Variants in ESR1 observed in about 807,000 individuals in gnomAD.
ESR1 encodes the protein estrogen receptor.
In ESR1, 12 loss-of-function variants were observed where a neutral mutation model predicts 52.7. The ratio of observed to expected loss-of-function variants is 0.23; its 90% CI spans 0.15 to 0.37. The LOEUF is 0.37. ESR1 is among the 10% of genes least tolerant of loss of function. The probability of loss-of-function intolerance (pLI) is 1.00; values close to 1 mark genes in which losing one functional copy is unlikely to be tolerated. For synonymous variants in ESR1, 305 were observed against 316.8 expected (o/e 0.96, Z 0.39); for missense variants, 584 against 779.7 (o/e 0.75, Z 2.99).
chr6:152,034,148 G>A (rs570029433), intron 5 of ESR1, among the ~76,000 whole-genome samples: 1 of 143,548 alleles, frequency 7.0e-6, no homozygotes, highest in Non-Finnish European at 1.5e-5. Context: ...TTGTGTGGTT[G>A]GGGAGGGGGG....
chr6:151,698,836 AG>A (rs375377378), intron 1 of ESR1, among the ~76,000 whole-genome samples: 252 of 152,278 alleles, frequency 1.7e-3, no homozygotes, highest in African/African-American at 5.7e-3. Context: ...GTACCAGGAG[AG>A]GGTGACATGA....
At chr6:152,077,553 C>G (rs2048843502) in intron 6 of ESR1, among the ~76,000 whole-genome samples, 2 of 152,314 alleles carry the variant, frequency 1.3e-5, no homozygotes, top group Admixed American at 1.3e-4. Flanking sequence ...GGAAAAGCCA[C>G]AGACACTCAA....
intron 1 of ESR1, among the ~76,000 whole-genome samples, chr6:151,684,136 G>A (rs911198960): frequency 2.6e-5 from 4 of 152,152 alleles, no homozygotes; most frequent in Non-Finnish European, 5.9e-5. Context: ...AAGGGTACAA[G>A]TGGCATGTGG....
Position 152,018,229 on chromosome 6 carries a change from A to G in ESR1, c.1235+6435A>G, listed in dbSNP as rs548295403. On this transcript the variant is annotated intron_variant, in intron 5 of 7. Transcript: ENST00000206249. Reference sequence around the variant, plus strand: ...TTCCAATGATAAACTCATTTTAAATAGAAAAAAAAAAGTCATTCTCTACAA... The same window carrying G: ...TTCCAATGATAAACTCATTTTAAATGGAAAAAAAAAAGTCATTCTCTACAA... 1.8e-4 allele frequency among the ~76,000 whole-genome samples: 28 copies of G among 152,090 alleles called. No individual in the cohort carries two copies. In the South Asian group the frequency reaches 4.6e-3, roughly 25 times the overall value.
At chr6:151,685,615 T>C (rs934398052), upstream of ESR1, among the ~76,000 whole-genome samples, 41 of 152,056 alleles carry the variant, frequency 2.7e-4, no homozygotes, top group Middle Eastern at 3.4e-3. Context: ...TCTGGAAGAG[T>C]GGGGAGAAGA....
intron 3 of ESR1, among the ~76,000 whole-genome samples, chr6:151,928,627 AG>A (rs898229945): frequency 4.6e-5 from 7 of 151,476 alleles, no homozygotes; most frequent in Non-Finnish European, 1.5e-5. Flanking sequence ...TTTCTTCTCT[AG>A]TTTCCTTAGG....
chr6:151,880,095 TGTGTGAACTGAA>T (rs1248527519), intron 2 of ESR1, among the ~76,000 whole-genome samples: 2 of 151,912 alleles, frequency 1.3e-5, no homozygotes, highest in Non-Finnish European at 2.9e-5. Context: ...AAATATAGAC[TGTGTGAACTGAA>T]GGTGACTTGC....
At chr6:151,948,565 C>A (rs2035971866) in intron 4 of ESR1, among the ~76,000 whole-genome samples, 1 of 152,094 alleles carries the variant, frequency 6.6e-6, no homozygotes, top group African/African-American at 2.4e-5. Context: ...ACCACTTCCT[C>A]ATTCTTTTAG....
exon 1 of ESR1, chr6:151,690,502 A>G (rs1582899375): frequency 6.6e-6 from 1 of 152,164 alleles, no homozygotes; most frequent in Non-Finnish European, 1.5e-5. Flanking sequence ...TTTCATGGTC[A>G]TAACAGCCTC....
intron 3 of ESR1, among the ~76,000 whole-genome samples, chr6:151,916,932 T>C (rs2128452444): frequency 6.6e-6 from 1 of 152,334 alleles, no homozygotes; most frequent in South Asian, 2.1e-4. Flanking sequence ...AAATATGATG[T>C]GCACCCGCTT....
At chr6:152,072,340 T>C (rs2048417311) in intron 6 of ESR1, among the ~76,000 whole-genome samples, 1 of 152,204 alleles carries the variant, frequency 6.6e-6, no homozygotes, top group South Asian at 2.1e-4. Flanking sequence ...TGTTTTGGGC[T>C]CTTTGCCACT....
intron 3 of ESR1, among the ~76,000 whole-genome samples, chr6:151,881,714 C>A (rs1792947255): frequency 6.6e-6 from 1 of 152,014 alleles, no homozygotes; most frequent in Non-Finnish European, 1.5e-5. Context: ...GAAACCCTGT[C>A]TCTATTGAAA....
At chr6:151,701,495 C>G (rs1779779042) in intron 1 of ESR1, among the ~76,000 whole-genome samples, 1 of 143,692 alleles carries the variant, frequency 7.0e-6, no homozygotes, top group Admixed American at 7.1e-5. Context: ...CACCGTTGCA[C>G]TCCAATCTGG....
At chr6:152,024,408 A>G (rs1262456195) in intron 5 of ESR1, among the ~76,000 whole-genome samples, 2 of 151,936 alleles carry the variant, frequency 1.3e-5, no homozygotes, top group Non-Finnish European at 2.9e-5. Context: ...GTTTAATTCT[A>G]TAAGTAAATT....
intron 5 of ESR1, among the ~76,000 whole-genome samples, chr6:152,059,112 C>T (rs1374639029): frequency 6.6e-6 from 1 of 151,984 alleles, no homozygotes; most frequent in Non-Finnish European, 1.5e-5. Context: ...AATGGTTGCA[C>T]AACATTGTGA....
exon 7 of ESR1, chr6:152,129,139 A>G (rs888435873): frequency 2.6e-5 from 4 of 152,262 alleles, no homozygotes; most frequent in Non-Finnish European, 5.9e-5. Flanking sequence ...ATGAGGAAGC[A>G]CTTGCTGCCC....
At chr6:151,897,614 G>T (rs1795747362) in intron 3 of ESR1, among the ~76,000 whole-genome samples, 1 of 152,178 alleles carries the variant, frequency 6.6e-6, no homozygotes, top group Non-Finnish European at 1.5e-5. Flanking sequence ...CAGATACTTG[G>T]TTGGTGATTG....
At chr6:151,884,454 C>G (rs1398779859) in intron 3 of ESR1, among the ~76,000 whole-genome samples, 1 of 152,204 alleles carries the variant, frequency 6.6e-6, no homozygotes, top group Non-Finnish European at 1.5e-5. Flanking sequence ...CTTAACCAGG[C>G]TGGTTACCAA....
At chr6:152,090,460 A>G (rs951865762) in intron 6 of ESR1, among the ~76,000 whole-genome samples, 1 of 152,216 alleles carries the variant, frequency 6.6e-6, no homozygotes, top group African/African-American at 2.4e-5. Context: ...ACATCTGGTA[A>G]GCCATAGGCA....
Sources: gnomAD v4.1 joint callset for allele counts (sites outside exome capture counted in the v4.1 genomes callset) on GRCh38, gnomAD v4.1.1 for gene constraint, MANE v1.5 for transcripts, NCBI Gene and HGNC (gene_info 2026-07-23, HGNC 2026-07-21) for gene names.